Variants in SETBP1 observed in about 807,000 individuals in gnomAD.
SETBP1 encodes SET-binding protein.
SETBP1 carries 9 observed loss-of-function variants against 101.0 expected under a neutral mutation model. The observed-to-expected ratio is 0.09, with a 90% CI of 0.05 to 0.16. The LOEUF (loss-of-function observed/expected upper bound fraction) is 0.16. SETBP1 is among the 10% of genes least tolerant of loss of function. SETBP1 has a pLI of 1.00. For synonymous variants in SETBP1, 818 were observed against 788.5 expected, an observed-to-expected ratio of 1.04 and a Z score of -0.63; for missense variants, 1,858 against 2,033.8, an observed-to-expected ratio of 0.91 and a Z score of 1.66.
chr18:44,724,477 G>C (rs2069665518), intron 2 of SETBP1, among the ~76,000 whole-genome samples: 1 of 152,196 alleles, frequency 6.6e-6, no homozygotes. Flanking sequence ...GTAAGTGAGA[G>C]TGGGAGTCTG....
chr18:44,802,319 C>T (rs563402756), intron 2 of SETBP1, among the ~76,000 whole-genome samples: 1 of 152,250 alleles, frequency 6.6e-6, no homozygotes, highest in South Asian at 2.1e-4. Flanking sequence ...TGGAAAGAAC[C>T]TTTGTGCAGA....
chr18:44,898,103 A>G (rs903199382), intron 3 of SETBP1, among the ~76,000 whole-genome samples: 6 of 152,076 alleles, frequency 3.9e-5, no homozygotes, highest in African/African-American at 9.7e-5. Flanking sequence ...AACTCAGCAT[A>G]CCTTTCCATA....
At chr18:45,034,528 C>CT (rs201790336) in intron 4 of SETBP1, among the ~76,000 whole-genome samples, 99 of 150,970 alleles carry the variant, frequency 6.6e-4, no homozygotes, top group East Asian at 4.9e-3. Flanking sequence ...GTTTCAGAGA[C>CT]TTTTTTAAAA....
At chr18:45,030,023 C>T (rs906896304) in intron 4 of SETBP1, among the ~76,000 whole-genome samples, 1 of 145,604 alleles carries the variant, frequency 6.9e-6, no homozygotes, top group African/African-American at 2.5e-5. Context: ...GCCTGATTGC[C>T]CTGGCCAGAA....
rs578177250 is a variant in SETBP1, at chr18:45,006,109, A to G, written c.4001-32376A>G. Among the ~76,000 whole-genome samples the G allele has an allele frequency of 1.6e-3, 246 of 151,234 alleles. 1 individual carries two copies. The highest frequency in any genetic ancestry group is 5.5e-3 in the African/African-American group (225 of 41,158). On this transcript the variant is annotated intron_variant, in intron 4 of 5. Coordinates refer to ENST00000649279, the MANE Select transcript of SETBP1 (RefSeq NM_015559.3). ...GCTGGGACTACAGGCATGCACCACC[A>G]TGCCCAGCTAAGTTTTGTATTTTTA...
intron 4 of SETBP1, among the ~76,000 whole-genome samples, chr18:45,014,341 C>A (rs1390497598): frequency 6.6e-6 from 1 of 152,148 alleles, no homozygotes; most frequent in Non-Finnish European, 1.5e-5. Context: ...TGCCACCCTG[C>A]AGGAAAGAAG....
intron 4 of SETBP1, among the ~76,000 whole-genome samples, chr18:44,996,763 G>T (rs2072505962): frequency 6.6e-6 from 1 of 152,134 alleles, no homozygotes; most frequent in African/African-American, 2.4e-5. Context: ...CAGATCTTTG[G>T]GCTGCTACTC....
At chr18:44,686,047 C>G (rs1222765249) in intron 1 of SETBP1, among the ~76,000 whole-genome samples, 1 of 152,202 alleles carries the variant, frequency 6.6e-6, no homozygotes, top group Non-Finnish European at 1.5e-5. Context: ...GGTTCTCCAT[C>G]AAGAAACCAC....
At chr18:45,040,360 G>A (rs1160401453) in intron 5 of SETBP1, among the ~76,000 whole-genome samples, 1 of 152,172 alleles carries the variant, frequency 6.6e-6, no homozygotes, top group African/African-American at 2.4e-5. Context: ...CAAACAAAGG[G>A]ATCAAGTTGG....
intron 2 of SETBP1, among the ~76,000 whole-genome samples, chr18:44,842,839 T>C (rs1393524819): frequency 6.6e-6 from 1 of 152,222 alleles, no homozygotes; most frequent in Non-Finnish European, 1.5e-5. Flanking sequence ...AACCAACTGT[T>C]ACAGATGCAG....
At chr18:45,047,637 G>A (rs2073639232) in intron 5 of SETBP1, among the ~76,000 whole-genome samples, 1 of 152,158 alleles carries the variant, frequency 6.6e-6, no homozygotes, top group Non-Finnish European at 1.5e-5. Context: ...CAGGAGTAGG[G>A]GGTGGCAGGG....
At chr18:44,969,376 CT>C (rs986964219) in intron 4 of SETBP1, among the ~76,000 whole-genome samples, 7 of 152,162 alleles carry the variant, frequency 4.6e-5, no homozygotes, top group African/African-American at 7.2e-5. Flanking sequence ...TCAGTTATGT[CT>C]AATCTTTAGG....
intron 3 of SETBP1, among the ~76,000 whole-genome samples, chr18:44,906,901 A>T (rs1160028556): frequency 2.0e-5 from 3 of 152,242 alleles, no homozygotes; most frequent in African/African-American, 7.2e-5. Context: ...CATCTTTTAA[A>T]AAGATACAAA....
intron 2 of SETBP1, among the ~76,000 whole-genome samples, chr18:44,729,392 A>G (rs2069785460): frequency 6.6e-6 from 1 of 152,230 alleles, no homozygotes; most frequent in Admixed American, 6.5e-5. Flanking sequence ...ACACATGGTG[A>G]CAGAGACAGC....
At chr18:44,861,806 A>G (rs2064502658) in intron 2 of SETBP1, among the ~76,000 whole-genome samples, 1 of 152,242 alleles carries the variant, frequency 6.6e-6, no homozygotes, top group Non-Finnish European at 1.5e-5. Flanking sequence ...CAAAAACCGC[A>G]GAAGATGCCC....
intron 2 of SETBP1, among the ~76,000 whole-genome samples, chr18:44,753,474 C>T (rs1207095577): frequency 1.3e-5 from 2 of 152,226 alleles, no homozygotes; most frequent in African/African-American, 4.8e-5. Flanking sequence ...CTTTGACAGA[C>T]TTGTGTATTA....
chr18:44,984,215 ATGT>A (rs2072178803), intron 4 of SETBP1, among the ~76,000 whole-genome samples: 1 of 152,032 alleles, frequency 6.6e-6, no homozygotes, highest in African/African-American at 2.4e-5. Flanking sequence ...AACAAAAACC[ATGT>A]ATCAGTGGTC....
At chr18:44,818,165 C>T (rs2072023848) in intron 2 of SETBP1, among the ~76,000 whole-genome samples, 1 of 152,234 alleles carries the variant, frequency 6.6e-6, no homozygotes, top group South Asian at 2.1e-4. Flanking sequence ...CCTAACCCCA[C>T]ATTCTGCACT....
At position 44,952,747 on chromosome 18, in the gene SETBP1, A is replaced by T. The variant is rs1489444306; in HGVS notation, c.3407A>T (p.Lys1136Met). ...ATGCAGCCTTCTCTGAACCCTCCCA[A>T]GGTAGGCAGTGCCAGTCTGTCCAGT... ...GDMQPSLNPP[K>M]VGSASLSSGR... The change falls in exon 4 of 6, where the codon AAG (lysine) becomes ATG (methionine). Residue 1136 changes from lysine (K) to methionine (M), a missense_variant. Physicochemically the swap from Lys to Met is moderately conservative, Grantham distance 95. Transcript: ENST00000649279. 2.5e-6 allele frequency: 4 copies of T among 1,614,078 alleles called. No individual in the cohort carries two copies. Among genetic ancestry groups the T allele is most frequent in the South Asian group, 1.1e-5 (1 of 91,072 alleles).
Sources: allele counts gnomAD v4.1 joint callset (sites outside exome capture counted in the v4.1 genomes callset), GRCh38; gene constraint gnomAD v4.1.1; transcripts MANE v1.5; gene names NCBI Gene and HGNC (gene_info 2026-07-23, HGNC 2026-07-21).